The following RIPK4 variants were observed in gnomAD, a reference collection of about 807,000 sequenced individuals.
The protein encoded by RIPK4 is receptor interacting serine/threonine kinase 4.
A neutral mutation model predicts 42.9 loss-of-function variants in RIPK4; 17 were observed. The observed-to-expected ratio is 0.40, with a 90% CI of 0.27 to 0.59. The LOEUF (loss-of-function observed/expected upper bound fraction) is 0.59. Among genes scored for constraint, RIPK4 ranks in the 20% least tolerant of loss-of-function variants. The probability of loss-of-function intolerance (pLI) is 0.47; values close to 1 mark genes in which losing one functional copy is unlikely to be tolerated. For missense variants in RIPK4, 897 were observed against 1,104.4 expected (o/e 0.81, Z 2.66); for synonymous variants, 498 against 499.1 (o/e 1.00, Z 0.03).
intron 2 of RIPK4, among the ~76,000 whole-genome samples, chr21:41,756,021 C>T (rs1199701451): frequency 6.6e-6 from 1 of 152,220 alleles, no homozygotes; most frequent in Non-Finnish European, 1.5e-5. Flanking sequence ...TACGCAGGGG[C>T]AGACAGAGGC....
chr21:41,753,551 T>C (rs2061194666), intron 2 of RIPK4, among the ~76,000 whole-genome samples: 1 of 152,180 alleles, frequency 6.6e-6, no homozygotes, highest in African/African-American at 2.4e-5. Flanking sequence ...CCGCCTTTCC[T>C]CATCTTCCCA....
chr21:41,765,877 TACA>T (rs774477290), intron 1 of RIPK4, among the ~76,000 whole-genome samples: 6 of 152,202 alleles, frequency 3.9e-5, no homozygotes, highest in Non-Finnish European at 5.9e-5. Context: ...CAGTGAAATC[TACA>T]ACAACAAAGA....
At chr21:41,763,479 A>T (rs1395621982) in intron 1 of RIPK4, among the ~76,000 whole-genome samples, 3 of 152,182 alleles carry the variant, frequency 2.0e-5, no homozygotes, top group African/African-American at 4.8e-5. Flanking sequence ...GTCTTGTGCA[A>T]GCGGAGAAGC....
In RIPK4 at chr21:41,740,923, T is replaced by G; in HGVS notation, c.2270A>C (p.His757Pro). The G allele has an allele frequency of 6.2e-7, 1 of 1,612,650 alleles. No individual in the cohort carries two copies. Among genetic ancestry groups the G allele is most frequent in the Non-Finnish European group, 8.5e-7 (1 of 1,179,852 alleles). The change falls in exon 8 of 8, where the codon CAT (histidine) becomes CCT (proline). Residue 757 changes from histidine (H) to proline (P), a missense_variant. His to Pro is a moderately conservative substitution (Grantham distance 77). Transcript: ENST00000332512. ...GCTCTGCAGGTTGATGTGGGCCCCA[T>G]GCCTGAGCAGAGTCTCCACCGTCTG... ...HAQTVETLLR[H>P]GAHINLQSLK... is the part of the protein sequence containing the mutation.
chr21:41,763,802 T>C (rs938549167), intron 1 of RIPK4, among the ~76,000 whole-genome samples: 21 of 152,330 alleles, frequency 1.4e-4, no homozygotes, highest in African/African-American at 4.8e-4. Context: ...CAGCCAGGGC[T>C]GAATGTGGCA....
At position 41,766,742 on chromosome 21, in the gene RIPK4, C is replaced by G. The variant is rs371272081; in HGVS notation, c.182+118G>C. The stretch of plus-strand genomic sequence containing the variant: ...GCCTCGCCGGCAATTGGTTTCCCCC[C>G]CGAAGCTGCTCCGGGGGTGAGTTCG... On this transcript the variant is annotated intron_variant, in intron 1 of 7. Coordinates refer to ENST00000332512, the MANE Select transcript of RIPK4 (RefSeq NM_020639.3). The G allele has an allele frequency of 2.6e-4, 287 of 1,119,916 alleles. 1 individual carries two copies. In the African/African-American group the frequency reaches 3.0e-3, roughly 12 times the overall value. 69.4% of individuals were successfully genotyped at this position (1,119,916 alleles called of 1,614,324 possible).
chr21:41,745,117 G>A (rs967050448), intron 6 of RIPK4, among the ~76,000 whole-genome samples: 6 of 152,088 alleles, frequency 3.9e-5, no homozygotes, highest in Non-Finnish European at 5.9e-5. Flanking sequence ...CTTTGCTCCC[G>A]GGCTCACTGG....
chr21:41,739,634 C>A lies in RIPK4; in HGVS notation c.*1204G>T, dbSNP rs1021225832. On this transcript the variant is annotated 3_prime_UTR_variant, in exon 8 of 8. Transcript: ENST00000332512. ...GGTCACGTTCTGCAACAAACTTATT[C>A]TAATAACAGTATTCAGAAGGCACCC... 6.6e-6 allele frequency: 1 copy of A among 152,206 alleles called. No individual in the cohort carries two copies. The highest frequency in any genetic ancestry group is 1.5e-5 in the Non-Finnish European group (1 of 68,048). 9.4% of individuals were successfully genotyped at this position (152,206 alleles called of 1,614,324 possible).
chr21:41,745,805 G>A lies in RIPK4; in HGVS notation c.890C>T (p.Thr297Ile). The A allele has an allele frequency of 6.2e-7, 1 of 1,614,158 alleles. No homozygotes were observed. Among genetic ancestry groups the A allele is most frequent in the Non-Finnish European group, 8.5e-7 (1 of 1,180,002 alleles). The change falls in exon 6 of 8, where the codon ACT becomes ATT. Residue 297 changes from threonine to isoleucine, a missense_variant. Transcript: ENST00000332512. Reference protein sequence around the residue: ...CEKPDDEVKETAHDLDVKSPP... With the variant: ...CEKPDDEVKEIAHDLDVKSPP... ...GCTTTTCACGTCCAGATCATGAGCA[G>A]TTTCTTTCACTTCGTCATCAGGCTT...
chr21:41,743,456 C>T (rs539757996), intron 7 of RIPK4, among the ~76,000 whole-genome samples: 52 of 152,382 alleles, frequency 3.4e-4, no homozygotes, highest in African/African-American at 1.2e-3. Context: ...CTACCGTGAA[C>T]GGGGAGCCCA....
chr21:41,759,052 A>G lies in RIPK4; in HGVS notation c.183-2236T>C, dbSNP rs143701275. Among the ~76,000 whole-genome samples the G allele has an allele frequency of 2.8e-3, 421 of 152,100 alleles. 4 individuals carry two copies. Among genetic ancestry groups the G allele is most frequent in the African/African-American group, 9.7e-3 (404 of 41,472 alleles). On this transcript the variant is annotated intron_variant, in intron 1 of 7. Coordinates refer to ENST00000332512, the MANE Select transcript of RIPK4 (RefSeq NM_020639.3). Reference sequence around the variant, plus strand: ...GCTGGAATGCTGGTTCCCAGGCCTCACTCCTTGAGAATGCATTCCAGGTTG... The same window carrying G: ...GCTGGAATGCTGGTTCCCAGGCCTCGCTCCTTGAGAATGCATTCCAGGTTG...
chr21:41,760,326 C>T (rs3827219), intron 1 of RIPK4, among the ~76,000 whole-genome samples: 23,600 of 152,238 alleles, frequency 0.16, 1,974 homozygotes, highest in Middle Eastern at 0.26. Flanking sequence ...CCCTTTCCCG[C>T]CTTCATGGTG....
intron 6 of RIPK4, 64 bp from the exon 7 acceptor site, chr21:41,744,204 A>T: frequency 6.8e-7 from 1 of 1,469,640 alleles, no homozygotes; most frequent in African/African-American, 1.4e-5. Flanking sequence ...CCCGCCCATG[A>T]CACAAACACA....
At position 41,744,126 on chromosome 21, in the gene RIPK4, C is replaced by T. The variant is rs778590693; in HGVS notation, c.951G>A (p.Arg317=). 11 of 1,593,860 alleles carry T rather than the reference C, an allele frequency of 6.9e-6. No homozygotes were observed. The East Asian group carries it at 1.8e-4, about 26-fold the overall frequency. The change falls in exon 7 of 8, where the codon AGG becomes AGA. Residue 317 remains arginine (R), a synonymous_variant. Transcript: ENST00000332512. ...AGGTGGGGGCAGAGGCCCGCTTGAGCCTCGCAGGCACCACCTGCGAAGATG... is the reference window on the plus strand; with the variant it reads ...AGGTGGGGGCAGAGGCCCGCTTGAGTCTCGCAGGCACCACCTGCGAAGATG... ...PEPRSEVVPA[R]LKRASAPTFD...
chr21:41,746,875 C>T lies in RIPK4; in HGVS notation c.674-104G>A, dbSNP rs138515359. The T allele has an allele frequency of 2.5e-4, 326 of 1,282,118 alleles. 2 individuals are homozygous for T. In the African/African-American group the frequency reaches 4.6e-3, roughly 18 times the overall value. 79.4% of individuals were successfully genotyped at this position (1,282,118 alleles called of 1,614,324 possible). A position where few individuals can be genotyped will look rare whatever the true frequency, so the allele number is the denominator to read the frequency against. ...TCGCCGGGGGCCACAATGGGGCCAT[C>T]CCCACACCACCCCAGGGAGACGGCT... On this transcript the variant is annotated intron_variant, in intron 4 of 7. Transcript: ENST00000332512.
In RIPK4 at chr21:41,746,719, G is replaced by A. The variant is rs976783887; in HGVS notation, c.726C>T (p.Pro242=). The change falls in exon 5 of 8, where the codon CCC becomes CCT. Residue 242 remains proline (P), a synonymous_variant. Coordinates refer to ENST00000332512, the MANE Select transcript of RIPK4 (RefSeq NM_020639.3). ...IMVKVVKGHR[P]ELPPVCRARP... Reference sequence around the variant, plus strand: ...GGGCTCTGCACACGGGCGGCAGCTCGGGGCGGTGGCCCTTCACCACCTTCA... The same window carrying A: ...GGGCTCTGCACACGGGCGGCAGCTCAGGGCGGTGGCCCTTCACCACCTTCA... 2.2e-5 allele frequency: 35 copies of A among 1,608,942 alleles called. No individual in the cohort carries two copies. Among genetic ancestry groups the A allele is most frequent in the Middle Eastern group, 1.6e-4 (1 of 6,074 alleles).
In RIPK4 at chr21:41,742,179, C is replaced by G. The variant is rs905910821; in HGVS notation, c.1196-182G>C. 6.6e-6 allele frequency among the ~76,000 whole-genome samples: 1 copy of G among 152,124 alleles called. No individual in the cohort carries two copies. Among genetic ancestry groups the G allele is most frequent in the South Asian group, 2.1e-4 (1 of 4,832 alleles). On this transcript the variant is annotated intron_variant, in intron 7 of 7. Coordinates refer to ENST00000332512, the MANE Select transcript of RIPK4 (RefSeq NM_020639.3). This position sits in a 1 kb window ranked among gnomAD's most constrained non-coding sequence, Gnocchi z 5.1. ...TGATTAAGGTCAGTCCTAGCGGGAG[C>G]CCCGGGGCAGGCTGGCGAATGTCTC...
At position 41,741,650 on chromosome 21, in the gene RIPK4, C is replaced by T. The variant is rs1182590763; in HGVS notation, c.1543G>A (p.Gly515Arg). 10 of 1,613,540 alleles carry T rather than the reference C, an allele frequency of 6.2e-6. No individual in the cohort carries two copies. Among genetic ancestry groups the T allele is most frequent in the East Asian group, 4.5e-5 (2 of 44,896 alleles). ...WTALHFAAQN[G>R]DESSTRLLLE... is the part of the protein sequence containing the mutation. ...AGCAGCCGTGTGCTAGACTCGTCCC[C>T]GTTCTGGGCTGCAAAGTGGAGGGCT... is the stretch of plus-strand genomic sequence containing the variant. The change falls in exon 8 of 8, where the codon GGG becomes AGG. Residue 515 changes from glycine to arginine, a missense_variant. Gly to Arg is a moderately radical substitution (Grantham distance 125). Coordinates refer to ENST00000332512, the MANE Select transcript of RIPK4 (RefSeq NM_020639.3).
At chr21:41,765,270 G>C (rs147886020) in intron 1 of RIPK4, among the ~76,000 whole-genome samples, 1,889 of 152,294 alleles carry the variant, frequency 0.012, 31 homozygotes, top group African/African-American at 0.041. Context: ...CTAACCACTG[G>C]CTGGTATTCA....
Sources: allele counts gnomAD v4.1 joint callset (sites outside exome capture counted in the v4.1 genomes callset), GRCh38; gene constraint gnomAD v4.1.1; non-coding constraint Gnocchi (gnomAD v3.1); transcripts MANE v1.5; gene names NCBI Gene and HGNC (gene_info 2026-07-23, HGNC 2026-07-21).